MRC2: variants seen among roughly 807,000 people sequenced by gnomAD.
MRC2 encodes mannose receptor C-type 2, also known as C-type mannose receptor 2.
MRC2 carries 84 observed loss-of-function variants against 206.2 expected under a neutral mutation model. The observed-to-expected ratio is 0.41, with a 90% CI of 0.34 to 0.49. MRC2 has a LOEUF of 0.49. Among genes scored for constraint, MRC2 ranks in the 20% least tolerant of loss-of-function variants. The probability of loss-of-function intolerance (pLI) is 0.31; values close to 1 mark genes in which losing one functional copy is unlikely to be tolerated. For missense variants in MRC2, 1,676 were observed against 2,001.5 expected (o/e 0.84, Z 3.10); for synonymous variants, 798 against 800.0 (o/e 1.00, Z 0.04).
intron 1 of MRC2, among the ~76,000 whole-genome samples, chr17:62,639,681 G>C (rs1568049428): frequency 6.6e-6 from 1 of 151,738 alleles, no homozygotes; most frequent in Non-Finnish European, 1.5e-5. Context: ...CTGGAGTGCA[G>C]TGGCACAATC....
rs755294107 is a variant in MRC2, at chr17:62,666,239, C to A, written c.666C>A (p.Asp222Glu). 1 of 1,593,772 alleles carries A rather than the reference C, an allele frequency of 6.3e-7. No homozygotes were observed. The highest frequency in any genetic ancestry group is 8.5e-7 in the Non-Finnish European group (1 of 1,170,840). The change falls in exon 3 of 30, where the codon GAC becomes GAA. Residue 222 changes from aspartate to glutamate, a missense_variant. Transcript: ENST00000303375. This position sits in a 1 kb window ranked among gnomAD's most constrained non-coding sequence, Gnocchi z 5.0. ...WCATTQDYGK[D>E]ERWGFCPIKS... ...CCACCACCCAGGACTACGGCAAAGA[C>A]GAGCGCTGGGGCTTCTGCCCCATCA...
At chr17:62,665,043 C>A (rs1221332089) in intron 2 of MRC2, 94 bp downstream of exon 2, 5 of 1,335,336 alleles carry the variant, frequency 3.7e-6, no homozygotes, top group Non-Finnish European at 5.0e-6. Flanking sequence ...GGCCTTTGGC[C>A]TCTGTGGACC....
intron 12 of MRC2, among the ~76,000 whole-genome samples, chr17:62,677,869 G>C (rs1461380092): frequency 6.6e-6 from 1 of 152,106 alleles, no homozygotes; most frequent in East Asian, 1.9e-4. Context: ...GGCTAACATG[G>C]TGAAACCCCA....
intron 1 of MRC2, among the ~76,000 whole-genome samples, chr17:62,645,527 A>ATTTTTTTT (rs1164231785): frequency 5.1e-5 from 2 of 39,556 alleles, no homozygotes; most frequent in Non-Finnish European, 9.4e-5. Context: ...ATATATATAT[A>ATTTTTTTT]TTTTTTTTTT....
At chr17:62,687,848 A>T (rs956214125) in intron 20 of MRC2, among the ~76,000 whole-genome samples, 1 of 151,556 alleles carries the variant, frequency 6.6e-6, no homozygotes, top group Non-Finnish European at 1.5e-5. Flanking sequence ...GCGCCACTGC[A>T]CTCCAGCCTG....
Position 62,680,105 on chromosome 17 carries a change from C to T in MRC2, c.2299-65C>T. 6.2e-7 allele frequency: 1 copy of T among 1,602,402 alleles called. No homozygotes were observed. Among genetic ancestry groups the T allele is most frequent in the East Asian group, 2.2e-5 (1 of 44,798 alleles). On this transcript the variant is annotated intron_variant, in intron 14 of 29. Transcript: ENST00000303375. This position sits in a 1 kb window ranked among gnomAD's most constrained non-coding sequence, Gnocchi z 4.8. The stretch of plus-strand genomic sequence containing the variant: ...AGGCCAGGCCTCTTGTTCACCTGTT[C>T]CGGGCATGGGGGCGGCCTGCACCTT...
chr17:62,675,677 C>A lies in MRC2; in HGVS notation c.1570-113C>A. On this transcript the variant is annotated intron_variant, in intron 9 of 29. Coordinates refer to ENST00000303375, the MANE Select transcript of MRC2 (RefSeq NM_006039.5). The surrounding 1 kb of genome is among the most constrained non-coding windows in gnomAD (Gnocchi z 4.1). ...CAGTACTCAAACCAGTCCCCTCCGT[C>A]CTGAGCACGTTCAGTGATGTCCCTG... 1 of 826,412 alleles carries A rather than the reference C, an allele frequency of 1.2e-6. No individual in the cohort carries two copies. 51.2% of individuals were successfully genotyped at this position (826,412 alleles called of 1,614,324 possible). A position where few individuals can be genotyped will look rare whatever the true frequency, so the allele number is the denominator to read the frequency against.
chr17:62,687,652 T>C (rs1031629131), intron 20 of MRC2, among the ~76,000 whole-genome samples: 4 of 152,198 alleles, frequency 2.6e-5, no homozygotes, highest in African/African-American at 9.7e-5. Flanking sequence ...AAGCTGCTGC[T>C]AATAGATCAT....
At chr17:62,639,659 C>G (rs2088373961) in intron 1 of MRC2, among the ~76,000 whole-genome samples, 1 of 152,144 alleles carries the variant, frequency 6.6e-6, no homozygotes, top group African/African-American at 2.4e-5. Context: ...GGGTCTCACT[C>G]TGTTGCCCGG....
Position 62,688,692 on chromosome 17 carries a change from G to A in MRC2, c.3225+28G>A, listed in dbSNP as rs376562577. ...GAGGATGCCCTCCCTGTTCCCCTCC[G>A]CACCGCGCTGCCCTAAGCCTGTGGG... On this transcript the variant is annotated intron_variant, in intron 22 of 29. Coordinates refer to ENST00000303375, the MANE Select transcript of MRC2 (RefSeq NM_006039.5). 5.4e-5 allele frequency: 87 copies of A among 1,609,858 alleles called. No individual in the cohort carries two copies. The African/African-American group carries it at 8.1e-4, about 15-fold the overall frequency.
intron 1 of MRC2, among the ~76,000 whole-genome samples, chr17:62,654,135 G>A (rs975246229): frequency 1.3e-5 from 2 of 152,092 alleles, no homozygotes; most frequent in Admixed American, 6.5e-5. Flanking sequence ...ATGACCCCTC[G>A]CCTCTGCGTG....
At chr17:62,646,401 C>T (rs1482311602) in intron 1 of MRC2, among the ~76,000 whole-genome samples, 2 of 152,104 alleles carry the variant, frequency 1.3e-5, no homozygotes, top group African/African-American at 2.4e-5. Context: ...CTCAAGCTAT[C>T]CTCCTGCCTC....
At chr17:62,691,356 CT>C (rs1327319439) in intron 28 of MRC2, among the ~76,000 whole-genome samples, 15 of 152,242 alleles carry the variant, frequency 9.9e-5, no homozygotes, top group Non-Finnish European at 1.2e-4. Context: ...CAGCAACCCC[CT>C]GTCACTTTGT....
Position 62,675,503 on chromosome 17 carries a change from A to G in MRC2, c.1570-287A>G, listed in dbSNP as rs542755661. Among the ~76,000 whole-genome samples, 6 of 152,318 alleles carry G rather than the reference A, an allele frequency of 3.9e-5. No individual in the cohort carries two copies. The East Asian group carries it at 1.2e-3, about 29-fold the overall frequency. On this transcript the variant is annotated intron_variant, in intron 9 of 29. Coordinates refer to ENST00000303375, the MANE Select transcript of MRC2 (RefSeq NM_006039.5). The surrounding 1 kb of genome is among the most constrained non-coding windows in gnomAD (Gnocchi z 4.1). ...TTAAATGCCCAAGAGAGGAGCCTGA[A>G]GGGCCATTCATCTTCCCGAGCCGGG...
chr17:62,680,509 T>C lies in MRC2; in HGVS notation c.2473+56T>C. On this transcript the variant is annotated intron_variant, in intron 16 of 29. Coordinates refer to ENST00000303375, the MANE Select transcript of MRC2 (RefSeq NM_006039.5). This position sits in a 1 kb window ranked among gnomAD's most constrained non-coding sequence, Gnocchi z 4.8. Reference sequence around the variant, plus strand: ...ATCGCGTGGGAGAGGGCGTCAACTCTGGGGTAAGTCCCGAGAGGCCTGAAT... The same window carrying C: ...ATCGCGTGGGAGAGGGCGTCAACTCCGGGGTAAGTCCCGAGAGGCCTGAAT... 6.2e-7 allele frequency: 1 copy of C among 1,606,994 alleles called. No homozygotes were observed. The highest frequency in any genetic ancestry group is 1.7e-5 in the Admixed American group (1 of 59,840).
chr17:62,689,429 C>A, intron 23 of MRC2, 93 bp from the exon 24 acceptor site: 2 of 847,382 alleles, frequency 2.4e-6, no homozygotes, highest in South Asian at 3.6e-5. Flanking sequence ...GAGACCGGGT[C>A]TTTGCCTGGT....
intron 1 of MRC2, among the ~76,000 whole-genome samples, chr17:62,645,527 A>ATTTT (rs1164231785): frequency 1.7e-3 from 67 of 39,544 alleles, no homozygotes; most frequent in Non-Finnish European, 2.2e-3. Flanking sequence ...ATATATATAT[A>ATTTT]TTTTTTTTTT....
Position 62,680,425 on chromosome 17 carries a change from C to CGTGCG in MRC2, c.2447_2451dup (p.Glu818CysfsTer45), listed in dbSNP as rs759420885. ...TTGTCCTTGTTCCCCTAGGTACGGA[C>CGTGCG]GTGCGGGAGCCCGACGACAGCCCTC... On this transcript the variant is annotated frameshift_variant, in exon 16 of 30. Coordinates refer to ENST00000303375, the MANE Select transcript of MRC2 (RefSeq NM_006039.5). LOFTEE classifies it high-confidence loss of function. The surrounding 1 kb of genome is among the most constrained non-coding windows in gnomAD (Gnocchi z 4.8). 6.2e-7 allele frequency: 1 copy of CGTGCG among 1,614,116 alleles called. No individual in the cohort carries two copies. Among genetic ancestry groups the CGTGCG allele is most frequent in the Admixed American group, 1.7e-5 (1 of 60,022 alleles).
At position 62,674,146 on chromosome 17, in the gene MRC2, C is replaced by G. The variant is rs537149944; in HGVS notation, c.1545C>G (p.Ala515=). 2 of 1,551,980 alleles carry G rather than the reference C, an allele frequency of 1.3e-6. No individual in the cohort carries two copies. Among genetic ancestry groups the G allele is most frequent in the Non-Finnish European group, 1.7e-6 (2 of 1,147,364 alleles). The change falls in exon 9 of 30, where the codon GCC becomes GCG. Residue 515 remains alanine, a synonymous_variant. Coordinates refer to ENST00000303375, the MANE Select transcript of MRC2 (RefSeq NM_006039.5). The part of the protein sequence containing the change: ...KKAGQLSQGA[A]EEDHGCRKGW... ...CAGGCCAGCTGAGCCAGGGGGCCGC[C>G]GAGGAGGACCATGGCTGCCGGAAGG...
Sources: gnomAD v4.1 joint callset for allele counts (sites outside exome capture counted in the v4.1 genomes callset) on GRCh38, gnomAD v4.1.1 for gene constraint, Gnocchi (gnomAD v3.1) non-coding constraint, MANE v1.5 for transcripts, NCBI Gene and HGNC (gene_info 2026-07-23, HGNC 2026-07-21) for gene names.